The following ADAMTS17 variants were observed in gnomAD, a reference collection of about 807,000 sequenced individuals.
The protein encoded by ADAMTS17 is A disintegrin and metalloproteinase with thrombospondin motifs 17.
In ADAMTS17, 113 loss-of-function variants were observed where a neutral mutation model predicts 141.5. That is an observed-to-expected ratio of 0.80 (90% CI 0.69 to 0.93). The LOEUF (loss-of-function observed/expected upper bound fraction) is 0.93. Among genes scored for constraint, ADAMTS17 ranks in the 40% least tolerant of loss-of-function variants. The probability of loss-of-function intolerance (pLI) is 0.00; values close to 1 mark genes in which losing one functional copy is unlikely to be tolerated. For synonymous variants in ADAMTS17, 768 were observed against 630.6 expected (o/e 1.22, Z -3.27); for missense variants, 1,659 against 1,517.9 (o/e 1.09, Z -1.54).
rs561192690 is a variant in ADAMTS17, at chr15:100,314,299, G to A, written c.616+16590C>T. ...TATAAAAGACATTACTGTGACAACT[G>A]GAAAAATGGAAATGCAAATGGCGTA... On this transcript the variant is annotated intron_variant, in intron 3 of 21. Coordinates refer to ENST00000268070, the MANE Select transcript of ADAMTS17 (RefSeq NM_139057.4). Among the ~76,000 whole-genome samples, 7 of 152,314 alleles carry A rather than the reference G, an allele frequency of 4.6e-5. No individual in the cohort carries two copies. In the South Asian group the frequency reaches 1.2e-3, roughly 27 times the overall value.
chr15:100,025,421 T>TC (rs2061491503), intron 18 of ADAMTS17, among the ~76,000 whole-genome samples: 1 of 151,034 alleles, frequency 6.6e-6, no homozygotes, highest in African/African-American at 2.4e-5. Flanking sequence ...TTTCTTTTTT[T>TC]TTTTTTTTGA....
Position 100,074,703 on chromosome 15 carries a change from C to T in ADAMTS17, c.2138-20649G>A, listed in dbSNP as rs572309123. Among the ~76,000 whole-genome samples the T allele has an allele frequency of 5.9e-5, 9 of 152,014 alleles. No homozygotes were observed. In the East Asian group the frequency reaches 1.5e-3, roughly 26 times the overall value. On this transcript the variant is annotated intron_variant, in intron 15 of 21. Coordinates refer to ENST00000268070, the MANE Select transcript of ADAMTS17 (RefSeq NM_139057.4). Reference sequence around the variant, plus strand: ...GTTCTTATGCTTCCTTTGTTGGATTCGGTTTTGGTATCAGTATTATTCTTG... The same window carrying T: ...GTTCTTATGCTTCCTTTGTTGGATTTGGTTTTGGTATCAGTATTATTCTTG...
intron 13 of ADAMTS17, among the ~76,000 whole-genome samples, chr15:100,109,822 G>A (rs867519462): frequency 7.2e-5 from 11 of 151,974 alleles, no homozygotes; most frequent in Non-Finnish European, 1.2e-4. Context: ...GAAATCCCTC[G>A]CAGCACTTTG....
intron 15 of ADAMTS17, among the ~76,000 whole-genome samples, chr15:100,080,018 C>T (rs145096472): frequency 1.8e-4 from 27 of 152,210 alleles, no homozygotes; most frequent in Non-Finnish European, 3.5e-4. Flanking sequence ...TCCAGCAGGC[C>T]GTATATGTTC....
intron 7 of ADAMTS17, among the ~76,000 whole-genome samples, chr15:100,200,101 A>G (rs901286106): frequency 6.6e-6 from 1 of 152,254 alleles, no homozygotes; most frequent in Non-Finnish European, 1.5e-5. Context: ...AGTGAGCACC[A>G]GCCCACAAGC....
chr15:100,252,207 T>A (rs1395818588), intron 7 of ADAMTS17, among the ~76,000 whole-genome samples: 1 of 152,210 alleles, frequency 6.6e-6, no homozygotes, highest in Non-Finnish European at 1.5e-5. Flanking sequence ...AAGCTAGCCA[T>A]AAATCCTATG....
chr15:100,059,538 A>G (rs972380171), intron 15 of ADAMTS17, among the ~76,000 whole-genome samples: 1 of 152,248 alleles, frequency 6.6e-6, no homozygotes, highest in Non-Finnish European at 1.5e-5. Context: ...CTGAAAAATC[A>G]TAACTTCCTG....
intron 4 of ADAMTS17, among the ~76,000 whole-genome samples, chr15:100,271,183 T>C (rs1161046975): frequency 6.6e-6 from 1 of 152,240 alleles, no homozygotes; most frequent in Non-Finnish European, 1.5e-5. Context: ...CATTTAGTTA[T>C]GGTGAATAAT....
intron 14 of ADAMTS17, among the ~76,000 whole-genome samples, chr15:100,107,012 C>G (rs961491314): frequency 6.6e-6 from 1 of 152,202 alleles, no homozygotes; most frequent in Non-Finnish European, 1.5e-5. Context: ...CCACATTTAT[C>G]TGTATTTGAT....
At chr15:100,112,979 T>C (rs1194085987) in intron 13 of ADAMTS17, among the ~76,000 whole-genome samples, 1 of 152,188 alleles carries the variant, frequency 6.6e-6, no homozygotes, top group Non-Finnish European at 1.5e-5. Flanking sequence ...GGTCTTAGTA[T>C]GGTGGGGACA....
chr15:99,981,990 G>A (rs570123287), intron 20 of ADAMTS17, among the ~76,000 whole-genome samples: 16 of 152,340 alleles, frequency 1.1e-4, no homozygotes, highest in African/African-American at 3.8e-4. Flanking sequence ...GGGGGAAGGG[G>A]TGCCTGTTGG....
intron 8 of ADAMTS17, among the ~76,000 whole-genome samples, chr15:100,180,574 T>A (rs918202191): frequency 6.6e-6 from 1 of 152,220 alleles, no homozygotes; most frequent in Non-Finnish European, 1.5e-5. Context: ...GATATTTTGA[T>A]AGGGATTGCA....
chr15:100,263,072 C>T (rs60561442), intron 4 of ADAMTS17, among the ~76,000 whole-genome samples: 2 of 152,180 alleles, frequency 1.3e-5, no homozygotes, highest in Admixed American at 6.5e-5. Context: ...TTAAAAAAAA[C>T]CACGCATACG....
Position 100,098,767 on chromosome 15 carries a change from G to A in ADAMTS17, c.2017-2291C>T, listed in dbSNP as rs137862253. On this transcript the variant is annotated intron_variant, in intron 14 of 21. Coordinates refer to ENST00000268070, the MANE Select transcript of ADAMTS17 (RefSeq NM_139057.4). Reference sequence around the variant, plus strand: ...GCCGAGACCAAATCTGTGAGACCACGTGTCTGTTGCTTTGTTTCACTTCAG... The same window carrying A: ...GCCGAGACCAAATCTGTGAGACCACATGTCTGTTGCTTTGTTTCACTTCAG... Among the ~76,000 whole-genome samples, 386 of 152,256 alleles carry A rather than the reference G, an allele frequency of 2.5e-3. 3 individuals are homozygous for A. The highest frequency in any genetic ancestry group is 8.9e-3 in the African/African-American group (370 of 41,528).
chr15:100,204,814 G>T (rs1165760708), intron 7 of ADAMTS17, among the ~76,000 whole-genome samples: 5 of 152,354 alleles, frequency 3.3e-5, no homozygotes, highest in African/African-American at 1.2e-4. Context: ...GGCGGAAGGG[G>T]CTGGGAGTGA....
chr15:100,041,984 T>C (rs1357456307), intron 18 of ADAMTS17, among the ~76,000 whole-genome samples: 2 of 152,130 alleles, frequency 1.3e-5, no homozygotes, highest in Non-Finnish European at 2.9e-5. Flanking sequence ...CAACAGTGGG[T>C]TGCATTCTGG....
rs139129606 is a variant in ADAMTS17 at position 100,271,221 on chromosome 15, T to A, written c.790-8786A>T. ...TGCTATGAACATTGGTGTATAAATA[T>A]CTGTTCTTGTCCCTGCTTTGGGATA... is the stretch of plus-strand genomic sequence containing the variant. On this transcript the variant is annotated intron_variant, in intron 4 of 21. Transcript: ENST00000268070. 5.1e-4 allele frequency among the ~76,000 whole-genome samples: 78 copies of A among 152,362 alleles called. 1 individual carries two copies. The highest frequency in any genetic ancestry group is 9.8e-4 in the Admixed American group (15 of 15,304).
At chr15:100,182,530 G>A (rs1346078921) in intron 8 of ADAMTS17, among the ~76,000 whole-genome samples, 1 of 152,188 alleles carries the variant, frequency 6.6e-6, no homozygotes, top group Non-Finnish European at 1.5e-5. Flanking sequence ...CACTGTGGCT[G>A]CTGTTGAAGG....
chr15:100,107,871 GCTGA>G (rs1010618052), intron 14 of ADAMTS17, among the ~76,000 whole-genome samples: 3 of 152,150 alleles, frequency 2.0e-5, no homozygotes, highest in African/African-American at 7.2e-5. Context: ...AGGTGCCCAA[GCTGA>G]CTAAGATGCT....
Sources: gnomAD v4.1 joint callset for allele counts (sites outside exome capture counted in the v4.1 genomes callset) on GRCh38, gnomAD v4.1.1 for gene constraint, MANE v1.5 for transcripts, NCBI Gene and HGNC (gene_info 2026-07-23, HGNC 2026-07-21) for gene names.